Variants in ACOXL observed in about 807,000 individuals in gnomAD.
The protein encoded by ACOXL is acyl-coenzyme A oxidase-like protein.
ACOXL carries 70 observed loss-of-function variants against 71.9 expected under a neutral mutation model. The observed-to-expected ratio is 0.97, with a 90% CI of 0.80 to 1.19. ACOXL has a LOEUF of 1.19. Among genes scored for constraint, ACOXL ranks in the 50% most tolerant of loss-of-function variants. ACOXL has a pLI of 0.00. For synonymous variants in ACOXL, 253 were observed against 281.6 expected (o/e 0.90, Z 1.02); for missense variants, 703 against 736.3 (o/e 0.95, Z 0.52).
intron 12 of ACOXL, among the ~76,000 whole-genome samples, chr2:110,978,581 G>A (rs1406802494): frequency 6.6e-6 from 1 of 152,174 alleles, no homozygotes; most frequent in Non-Finnish European, 1.5e-5. Flanking sequence ...TCTGTCACAT[G>A]TTATTAGGGC....
intron 1 of ACOXL, among the ~76,000 whole-genome samples, chr2:110,736,589 A>G (rs1573255498): frequency 6.7e-6 from 1 of 149,698 alleles, no homozygotes; most frequent in African/African-American, 2.5e-5. Context: ...ATAATATTCC[A>G]TTGTATGTAT....
chr2:110,939,360 A>T (rs1405609913), intron 12 of ACOXL, among the ~76,000 whole-genome samples: 2 of 152,200 alleles, frequency 1.3e-5, no homozygotes, highest in East Asian at 1.9e-4. Context: ...CTCAGAGATG[A>T]TTCTTAACTG....
intron 10 of ACOXL, among the ~76,000 whole-genome samples, chr2:110,848,564 G>A (rs1446051367): frequency 2.6e-5 from 4 of 152,212 alleles, no homozygotes; most frequent in African/African-American, 9.7e-5. Context: ...GCATGGGGCT[G>A]TGGATTTGCT....
chr2:110,874,504 C>T (rs895944719), intron 10 of ACOXL, among the ~76,000 whole-genome samples: 9 of 152,116 alleles, frequency 5.9e-5, no homozygotes, highest in Non-Finnish European at 1.0e-4. Flanking sequence ...CCCAAGAGCC[C>T]CTCTGCCATT....
At chr2:110,954,228 C>A (rs1404075734) in intron 12 of ACOXL, among the ~76,000 whole-genome samples, 1 of 152,178 alleles carries the variant, frequency 6.6e-6, no homozygotes. Flanking sequence ...CTTATAGTTT[C>A]AACTTTTCTG....
At chr2:110,843,300 G>A (rs770058539) in intron 10 of ACOXL, among the ~76,000 whole-genome samples, 2 of 152,166 alleles carry the variant, frequency 1.3e-5, no homozygotes, top group Non-Finnish European at 2.9e-5. Context: ...GATTACAGGA[G>A]TGAGCCACCA....
At chr2:110,842,829 C>G (rs919866159) in intron 10 of ACOXL, among the ~76,000 whole-genome samples, 2 of 152,076 alleles carry the variant, frequency 1.3e-5, no homozygotes, top group Non-Finnish European at 2.9e-5. Context: ...TTCTCAAATG[C>G]CAAGGTGCCG....
Position 110,747,395 on chromosome 2 carries a change from G to C in ACOXL, c.-23+14621G>C, listed in dbSNP as rs562536464. On this transcript the variant is annotated intron_variant, in intron 1 of 17. Coordinates refer to ENST00000439055, the MANE Select transcript of ACOXL (RefSeq NM_001142807.4). ...ATGGGCAGAGTGCAGCCTCAGGAGG[G>C]AGTCAGGCCTGGTTATATCCATTGG... Among the ~76,000 whole-genome samples the C allele has an allele frequency of 2.0e-5, 3 of 152,294 alleles. No homozygotes were observed. In the South Asian group the frequency reaches 6.2e-4, roughly 32 times the overall value.
At chr2:111,082,319 T>C (rs949927638) in intron 16 of ACOXL, among the ~76,000 whole-genome samples, 3 of 149,022 alleles carry the variant, frequency 2.0e-5, no homozygotes, top group African/African-American at 7.4e-5. Flanking sequence ...TAAACAAATT[T>C]ACAAGAAAAA....
chr2:111,000,307 G>A (rs1280578863), intron 14 of ACOXL, among the ~76,000 whole-genome samples: 1 of 152,168 alleles, frequency 6.6e-6, no homozygotes, highest in Non-Finnish European at 1.5e-5. Context: ...AAGTGATCTA[G>A]CAAAGGAGAT....
At chr2:110,915,429 T>TA (rs1491526041) in intron 11 of ACOXL, among the ~76,000 whole-genome samples, 101 of 74,518 alleles carry the variant, frequency 1.4e-3, no homozygotes, top group African/African-American at 4.4e-3. Flanking sequence ...TATATATATA[T>TA]TTTTTTTTTT....
intron 11 of ACOXL, among the ~76,000 whole-genome samples, chr2:110,931,045 A>G (rs532361873): frequency 6.6e-6 from 1 of 152,378 alleles, no homozygotes; most frequent in South Asian, 2.1e-4. Flanking sequence ...TTAAATAAAC[A>G]TGTTTGGAAA....
chr2:110,995,337 T>C (rs1275392539), intron 13 of ACOXL, among the ~76,000 whole-genome samples: 1 of 149,882 alleles, frequency 6.7e-6, no homozygotes, highest in Non-Finnish European at 1.5e-5. Context: ...CTGTCTCTAC[T>C]AAAAATACAA....
chr2:110,807,307 G>A (rs529815473), intron 9 of ACOXL, among the ~76,000 whole-genome samples: 43 of 152,302 alleles, frequency 2.8e-4, no homozygotes, highest in South Asian at 6.2e-4. Flanking sequence ...ATGAGTGAAG[G>A]GTGTGTGTGC....
intron 16 of ACOXL, among the ~76,000 whole-genome samples, chr2:111,080,691 AC>A (rs1157265736): frequency 6.6e-6 from 1 of 152,184 alleles, no homozygotes; most frequent in African/African-American, 2.4e-5. Context: ...TCATCCTGAT[AC>A]CAAAACCTGG....
chr2:110,927,462 C>T lies in ACOXL; in HGVS notation c.906-6027C>T, dbSNP rs1055021563. Among the ~76,000 whole-genome samples the T allele has an allele frequency of 3.9e-5, 6 of 152,160 alleles. No homozygotes were observed. The South Asian group carries it at 6.2e-4, about 16-fold the overall frequency. ...GAGGCCTCCACACCTGTCCTGTGCT[C>T]CTGCTGTGGCCTTTCTTATAGACGT... is the stretch of plus-strand genomic sequence containing the variant. On this transcript the variant is annotated intron_variant, in intron 11 of 17. Coordinates refer to ENST00000439055, the MANE Select transcript of ACOXL (RefSeq NM_001142807.4).
intron 16 of ACOXL, among the ~76,000 whole-genome samples, chr2:111,078,627 T>C (rs1393427708): frequency 6.6e-6 from 1 of 152,236 alleles, no homozygotes; most frequent in Non-Finnish European, 1.5e-5. Context: ...GGTTTGTGAT[T>C]GTTCATTAGA....
intron 10 of ACOXL, among the ~76,000 whole-genome samples, chr2:110,850,506 A>AGG (rs900516455): frequency 6.6e-6 from 1 of 152,230 alleles, no homozygotes; most frequent in Non-Finnish European, 1.5e-5. Context: ...AAGACCATGA[A>AGG]GGGATGCTCA....
chr2:111,038,192 C>G (rs141810203), intron 15 of ACOXL, among the ~76,000 whole-genome samples: 1 of 152,068 alleles, frequency 6.6e-6, no homozygotes, highest in Non-Finnish European at 1.5e-5. Context: ...CTGAGGAAAC[C>G]GAGGCACAGA....
Sources: gnomAD v4.1 joint callset for allele counts (sites outside exome capture counted in the v4.1 genomes callset) on GRCh38, gnomAD v4.1.1 for gene constraint, MANE v1.5 for transcripts, NCBI Gene and HGNC (gene_info 2026-07-23, HGNC 2026-07-21) for gene names.